Variants in TBC1D21 observed in about 807,000 individuals in gnomAD.
TBC1D21 encodes TBC1 domain family member 21, also known as male germ cell Rab GTPase-activating protein.
In TBC1D21, 38 loss-of-function variants were observed where a neutral mutation model predicts 46.0. The ratio of observed to expected loss-of-function variants is 0.83; its 90% CI spans 0.64 to 1.08. TBC1D21 has a LOEUF of 1.08. Ranked by LOEUF, TBC1D21 falls within the 50% of genes least tolerant of loss-of-function variation. The probability of loss-of-function intolerance (pLI) is 0.00; values close to 1 mark genes in which losing one functional copy is unlikely to be tolerated. For missense variants in TBC1D21, 415 were observed against 417.9 expected (o/e 0.99, Z 0.06); for synonymous variants, 151 against 157.2 (o/e 0.96, Z 0.29).
At chr15:73,874,066 T>C (rs1161322163) in intron 1 of TBC1D21, among the ~76,000 whole-genome samples, 1 of 152,210 alleles carries the variant, frequency 6.6e-6, no homozygotes, top group African/African-American at 2.4e-5. Flanking sequence ...TCATCGGTGC[T>C]TTTTGCCAAC....
intron 1 of TBC1D21, among the ~76,000 whole-genome samples, chr15:73,876,395 T>A (rs1191804973): frequency 3.0e-5 from 2 of 65,656 alleles, no homozygotes; most frequent in Non-Finnish European, 6.8e-5. Context: ...ACCCGGGTAA[T>A]TTTTGTTTTT....
the TBC1D21 span, among the ~76,000 whole-genome samples, chr15:73,903,012 A>T: frequency 6.6e-6 from 1 of 152,156 alleles, no homozygotes; most frequent in Non-Finnish European, 1.5e-5. Flanking sequence ...ACCCAAGCTC[A>T]CCTGTTCACC....
chr15:73,886,426 G>A (rs1681973877), intron 7 of TBC1D21, 86 bp from the exon 8 acceptor site: 21 of 1,223,318 alleles, frequency 1.7e-5, no homozygotes, highest in Non-Finnish European at 2.5e-5. Flanking sequence ...GTGTTTTGCA[G>A]GCTCTGTAGT....
the TBC1D21 span, among the ~76,000 whole-genome samples, chr15:73,906,025 C>T: frequency 6.6e-6 from 1 of 152,244 alleles, no homozygotes; most frequent in African/African-American, 2.4e-5. Flanking sequence ...CAGCAAGGGA[C>T]TGGCTCCTGG....
chr15:73,880,329 C>CA (rs1555429279), intron 1 of TBC1D21, among the ~76,000 whole-genome samples: 5 of 149,230 alleles, frequency 3.4e-5, no homozygotes, highest in South Asian at 4.2e-4. Context: ...CACACACACA[C>CA]CCTTATCAAA....
chr15:73,880,770 A>G (rs927018223), intron 1 of TBC1D21, among the ~76,000 whole-genome samples: 3 of 152,238 alleles, frequency 2.0e-5, no homozygotes, highest in Non-Finnish European at 4.4e-5. Flanking sequence ...CTCCGTCTCG[A>G]AAAATAAAAA....
At chr15:73,880,954 G>T (rs529626413) in intron 1 of TBC1D21, among the ~76,000 whole-genome samples, 3 of 151,838 alleles carry the variant, frequency 2.0e-5, no homozygotes, top group African/African-American at 7.3e-5. Flanking sequence ...AATATATAAC[G>T]GACACAATAC....
chr15:73,876,199 G>GGTGTTTTTTTTTTTTTTTTT lies in TBC1D21; in HGVS notation c.60+2430_60+2431insGTGTTTTTTTTTTTTTTTTT, dbSNP rs2068057275. On this transcript the variant is annotated intron_variant, in intron 1 of 10. Coordinates refer to ENST00000300504, the MANE Select transcript of TBC1D21 (RefSeq NM_153356.3). ...GAAGAATCAGTGACTTTTTTTGTGG[G>GGTGTTTTTTTTTTTTTTTTT]TTTTTTTTTTTTTTTTTTTTTTTTT... Among the ~76,000 whole-genome samples, 14 of 28,314 alleles carry GGTGTTTTTTTTTTTTTTTTT rather than the reference G, an allele frequency of 4.9e-4. 6 individuals are homozygous for GGTGTTTTTTTTTTTTTTTTT. The highest frequency in any genetic ancestry group is 1.7e-3 in the Non-Finnish European group (9 of 5,336). 18.6% of individuals were successfully genotyped at this position (28,314 alleles called of 152,430 possible).
chr15:73,879,130 C>A (rs181002911), intron 1 of TBC1D21, among the ~76,000 whole-genome samples: 13 of 152,314 alleles, frequency 8.5e-5, no homozygotes, highest in African/African-American at 3.1e-4. Context: ...ATCAAATATA[C>A]AGTTAGTAGA....
downstream of TBC1D21, among the ~76,000 whole-genome samples, chr15:73,890,380 T>G (rs1289554573): frequency 6.6e-6 from 1 of 152,200 alleles, no homozygotes; most frequent in Non-Finnish European, 1.5e-5. Flanking sequence ...CAGCAACACC[T>G]TCTCTGCATG....
the TBC1D21 span, among the ~76,000 whole-genome samples, chr15:73,903,958 G>A: frequency 6.6e-6 from 1 of 152,196 alleles, no homozygotes; most frequent in Admixed American, 6.5e-5. Context: ...TGAAGCAGGA[G>A]AATCACTTGA....
chr15:73,881,308 A>G (rs2068149383), intron 1 of TBC1D21, 91 bp from the exon 2 acceptor site: 3 of 903,346 alleles, frequency 3.3e-6, no homozygotes, highest in Admixed American at 4.7e-5. Context: ...GCTTTGATAC[A>G]TATTGCAAAG....
chr15:73,907,803 C>A, the TBC1D21 span, among the ~76,000 whole-genome samples: 1 of 152,048 alleles, frequency 6.6e-6, no homozygotes, highest in African/African-American at 2.4e-5. Context: ...GGGGTATAGA[C>A]GTGAAATTGT....
chr15:73,896,031 G>A, the TBC1D21 span, among the ~76,000 whole-genome samples: 1 of 152,190 alleles, frequency 6.6e-6, no homozygotes, highest in African/African-American at 2.4e-5. Context: ...TAGTTGAGAA[G>A]ACGGCAGAGG....
At chr15:73,890,051 C>A (rs2068323957), downstream of TBC1D21, among the ~76,000 whole-genome samples, 1 of 152,316 alleles carries the variant, frequency 6.6e-6, no homozygotes, top group East Asian at 1.9e-4. Flanking sequence ...ATACACACTG[C>A]CCTGCCCAGT....
At chr15:73,884,576 G>A (rs1362325740) in intron 4 of TBC1D21, among the ~76,000 whole-genome samples, 3 of 152,232 alleles carry the variant, frequency 2.0e-5, no homozygotes, top group Non-Finnish European at 4.4e-5. Flanking sequence ...GTACGGCCTC[G>A]TTAGAGGGTT....
the TBC1D21 span, among the ~76,000 whole-genome samples, chr15:73,900,357 C>A: frequency 6.6e-6 from 1 of 152,222 alleles, no homozygotes; most frequent in Non-Finnish European, 1.5e-5. Flanking sequence ...TGAGGCCTGG[C>A]ACACGAACCA....
chr15:73,898,863 C>CAAAAAAAAAAAAAAAA, the TBC1D21 span, among the ~76,000 whole-genome samples: 2 of 24,112 alleles, frequency 8.3e-5, no homozygotes, highest in East Asian at 1.6e-3. Flanking sequence ...GACTCCATCT[C>CAAAAAAAAAAAAAAAA]AAAAAAAAAA....
In TBC1D21 at chr15:73,886,694, C is replaced by T. The variant is rs974413636; in HGVS notation, c.777+82C>T. ...AGCTGCAAGTCTTCCTTGCCTCCCC[C>T]TTTCTTCCTGGCTTGGATGGAGTTC... On this transcript the variant is annotated intron_variant, in intron 8 of 10. Coordinates refer to ENST00000300504, the MANE Select transcript of TBC1D21 (RefSeq NM_153356.3). 7.6e-6 allele frequency: 10 copies of T among 1,314,368 alleles called. No individual in the cohort carries two copies. The African/African-American group carries it at 1.4e-4, about 19-fold the overall frequency. The allele number at this position is 1,314,368 out of a possible 1,614,324, so 81.4% of individuals were successfully genotyped here. A position where few individuals can be genotyped will look rare whatever the true frequency, so the allele number is the denominator to read the frequency against.
Sources: gnomAD v4.1 joint callset for allele counts (sites outside exome capture counted in the v4.1 genomes callset) on GRCh38, gnomAD v4.1.1 for gene constraint, MANE v1.5 for transcripts, NCBI Gene and HGNC (gene_info 2026-07-23, HGNC 2026-07-21) for gene names.